Variants in CCDC15 observed in about 807,000 individuals in gnomAD.
The protein encoded by CCDC15 is coiled-coil domain-containing protein 15.
CCDC15 carries 105 observed loss-of-function variants against 114.5 expected under a neutral mutation model. The ratio of observed to expected loss-of-function variants is 0.92; its 90% CI spans 0.78 to 1.08. The LOEUF is 1.08. Among genes scored for constraint, CCDC15 ranks in the 50% least tolerant of loss-of-function variants. The pLI is 0.00. For synonymous variants in CCDC15, 334 were observed against 377.8 expected (o/e 0.88, Z 1.34); for missense variants, 1,105 against 1,093.6 (o/e 1.01, Z -0.15).
intron 11 of CCDC15, among the ~76,000 whole-genome samples, chr11:125,002,605 T>C (rs1041414740): frequency 1.3e-5 from 2 of 152,162 alleles, no homozygotes; most frequent in African/African-American, 4.8e-5. Flanking sequence ...AACTTCATTC[T>C]TTTGCATGTG....
rs758913421 is a variant in CCDC15, at chr11:124,992,660, C to T, written c.2112C>T (p.Ile704=). 15 of 1,591,914 alleles carry T rather than the reference C, an allele frequency of 9.4e-6. No homozygotes were observed. The highest frequency in any genetic ancestry group is 1.3e-5 in the Non-Finnish European group (15 of 1,167,528). The change falls in exon 10 of 16, where the codon ATC becomes ATT. Residue 704 remains isoleucine (I), a synonymous_variant. Transcript: ENST00000344762. ...ATCATCAATATGTTGTACCTAAAAT[C>T]CAGGACCAAGACTCCCCTAGAGAAC... is the stretch of plus-strand genomic sequence containing the variant. ...LDYHQYVVPK[I]QDQDSPREQN... is the part of the protein sequence containing the mutation.
At position 124,959,859 on chromosome 11, in the gene CCDC15, C is replaced by T; in HGVS notation, c.372C>T (p.His124=). ...GSIAMQSSAT[H]LTSKRTSVFP... ...TAGCCATGCAGTCTTCAGCAACACA[C>T]TTAACTTCCAAAAGGACAAGTGTTT... The change falls in exon 4 of 16, where the codon CAC becomes CAT. Residue 124 remains histidine, a synonymous_variant. Coordinates refer to ENST00000344762, the MANE Select transcript of CCDC15 (RefSeq NM_025004.3). The T allele has an allele frequency of 6.2e-7, 1 of 1,602,068 alleles. No individual in the cohort carries two copies. Among genetic ancestry groups the T allele is most frequent in the Non-Finnish European group, 8.5e-7 (1 of 1,173,500 alleles).
At chr11:125,040,555 A>T (rs1024047190) in intron 15 of CCDC15, 35 bp from the exon 16 acceptor site, 39 of 1,569,572 alleles carry the variant, frequency 2.5e-5, no homozygotes, top group Non-Finnish European at 3.1e-5. Flanking sequence ...TTAGAATTTG[A>T]CTTTATTCAT....
chr11:124,977,632 C>T, intron 6 of CCDC15, 32 bp downstream of exon 6: 3 of 1,585,912 alleles, frequency 1.9e-6, no homozygotes, highest in Non-Finnish European at 2.6e-6. Context: ...AGGGGAAAGA[C>T]ATTGGCTTAT....
At chr11:124,999,390 C>T (rs896363608) in intron 11 of CCDC15, among the ~76,000 whole-genome samples, 1 of 152,072 alleles carries the variant, frequency 6.6e-6, no homozygotes, top group Non-Finnish European at 1.5e-5. Context: ...TCTGCAACTC[C>T]AGTTACACAA....
chr11:125,027,599 TTC>T (rs966890570), intron 13 of CCDC15, among the ~76,000 whole-genome samples: 1 of 151,998 alleles, frequency 6.6e-6, no homozygotes, highest in African/African-American at 2.4e-5. Flanking sequence ...TGTTTTTTTT[TTC>T]ATACTGATTT....
chr11:125,005,290 A>G (rs765572505), intron 13 of CCDC15, 78 bp downstream of exon 13: 120 of 631,536 alleles, frequency 1.9e-4, no homozygotes, highest in Admixed American at 5.2e-4. Flanking sequence ...AGAAAAAGGT[A>G]ATGGTTTTGC....
rs751330216 is a variant in CCDC15 at position 124,987,896 on chromosome 11, G to A, written c.1670G>A (p.Cys557Tyr). The A allele has an allele frequency of 2.5e-6, 4 of 1,613,440 alleles. No individual in the cohort carries two copies. Among genetic ancestry groups the A allele is most frequent in the Non-Finnish European group, 3.4e-6 (4 of 1,179,776 alleles). ...LPKDWNILPK[C>Y]QDQDFLPRDQ... is the part of the protein sequence containing the mutation. ...AAAGACTGGAATATTCTACCCAAAT[G>A]TCAGGACCAGGATTTTCTACCCAGA... Residue 557 changes from cysteine (C) to tyrosine (Y), a missense_variant, in exon 8 of 16, where the codon TGT (cysteine) becomes TAT (tyrosine). Physicochemically the swap from Cys to Tyr is radical, Grantham distance 194. Transcript: ENST00000344762.
At chr11:124,959,792 T>A in intron 3 of CCDC15, 23 bp from the exon 4 acceptor site, 1 of 1,548,680 alleles carries the variant, frequency 6.5e-7, no homozygotes, top group South Asian at 1.2e-5. Context: ...AATGTTACTA[T>A]CCCCCTTTCT....
chr11:125,039,216 T>C, intron 15 of CCDC15, 147 bp downstream of exon 15: 2 of 600,522 alleles, frequency 3.3e-6, no homozygotes, highest in Non-Finnish European at 5.1e-6. Context: ...TATGAGGCAG[T>C]GAAAAAATTA....
At chr11:124,997,991 G>A (rs984694173) in intron 11 of CCDC15, among the ~76,000 whole-genome samples, 1 of 152,154 alleles carries the variant, frequency 6.6e-6, no homozygotes, top group Non-Finnish European at 1.5e-5. Context: ...TCAAGGAAAT[G>A]AGGAACATGG....
chr11:124,966,374 T>C (rs1947782737), intron 4 of CCDC15, among the ~76,000 whole-genome samples: 1 of 152,236 alleles, frequency 6.6e-6, no homozygotes. Context: ...CTTGTTGAAT[T>C]GATCCTTTTA....
intron 13 of CCDC15, among the ~76,000 whole-genome samples, chr11:125,013,189 AG>A (rs1055324010): frequency 6.6e-6 from 1 of 152,186 alleles, no homozygotes; most frequent in Non-Finnish European, 1.5e-5. Context: ...TAGTCTAGGG[AG>A]GTCAAGAAAT....
intron 6 of CCDC15, among the ~76,000 whole-genome samples, chr11:124,980,830 T>C (rs1948061727): frequency 6.6e-6 from 1 of 152,214 alleles, no homozygotes; most frequent in Non-Finnish European, 1.5e-5. Flanking sequence ...TTCTTGTTTC[T>C]CTAGTTCTTC....
At chr11:124,977,699 T>G (rs1947997628) in intron 6 of CCDC15, 99 bp downstream of exon 6, 1 of 1,188,254 alleles carries the variant, frequency 8.4e-7, no homozygotes, top group African/African-American at 1.6e-5. Context: ...TCCAGTATTT[T>G]TTTTAACGGA....
At chr11:125,003,541 G>A (rs1006106902) in intron 11 of CCDC15, among the ~76,000 whole-genome samples, 5 of 151,908 alleles carry the variant, frequency 3.3e-5, no homozygotes, top group African/African-American at 7.2e-5. Flanking sequence ...ATTTATCCTA[G>A]ATTCTATTCC....
intron 13 of CCDC15, among the ~76,000 whole-genome samples, chr11:125,009,057 A>G (rs1182931266): frequency 1.3e-5 from 2 of 152,046 alleles, no homozygotes; most frequent in Non-Finnish European, 2.9e-5. Context: ...CGTCTCTACT[A>G]AAAATACAAA....
intron 11 of CCDC15, among the ~76,000 whole-genome samples, chr11:125,002,349 T>C (rs148462744): frequency 6.6e-6 from 1 of 152,304 alleles, no homozygotes; most frequent in African/African-American, 2.4e-5. Context: ...TTCTGTGGGT[T>C]GCCTTTCACT....
Position 124,986,722 on chromosome 11 carries a change from T to G in CCDC15, c.754-20T>G. The stretch of plus-strand genomic sequence containing the variant: ...GTGTGCGCGCGCGCGCGTGCGCGTT[T>G]TCATTGTTTTTTTCTTTAGGAACTT... On this transcript the variant is annotated intron_variant, in intron 6 of 15. Coordinates refer to ENST00000344762, the MANE Select transcript of CCDC15 (RefSeq NM_025004.3). 6.7e-7 allele frequency: 1 copy of G among 1,482,054 alleles called. No individual in the cohort carries two copies. 91.8% of individuals were successfully genotyped at this position (1,482,054 alleles called of 1,614,324 possible). A position where few individuals can be genotyped will look rare whatever the true frequency, so the allele number is the denominator to read the frequency against.
Sources: allele counts gnomAD v4.1 joint callset (sites outside exome capture counted in the v4.1 genomes callset), GRCh38; gene constraint gnomAD v4.1.1; transcripts MANE v1.5; gene names NCBI Gene and HGNC (gene_info 2026-07-23, HGNC 2026-07-21).